ATE1: variants seen among roughly 807,000 people sequenced by gnomAD.
ATE1 encodes arginyltransferase 1, also known as arginyl-tRNA--protein transferase 1.
In ATE1, 36 loss-of-function variants were observed where a neutral mutation model predicts 70.5. The ratio of observed to expected loss-of-function variants is 0.51; its 90% CI spans 0.39 to 0.67. ATE1 has a LOEUF of 0.67. ATE1 is among the 30% of genes least tolerant of loss of function. The probability of loss-of-function intolerance (pLI) is 0.00; values close to 1 mark genes in which losing one functional copy is unlikely to be tolerated. For missense variants in ATE1, 593 were observed against 629.5 expected (o/e 0.94, Z 0.62); for synonymous variants, 232 against 219.3 (o/e 1.06, Z -0.51).
chr10:121,760,605 T>C (rs908829101), intron 11 of ATE1, among the ~76,000 whole-genome samples: 1 of 152,222 alleles, frequency 6.6e-6, no homozygotes, highest in Non-Finnish European at 1.5e-5. Flanking sequence ...TTGTTTCTTA[T>C]GGAAGAGCAA....
intron 8 of ATE1, among the ~76,000 whole-genome samples, chr10:121,849,250 C>T (rs2133858144): frequency 6.6e-6 from 1 of 152,010 alleles, no homozygotes; most frequent in Non-Finnish European, 1.5e-5. Flanking sequence ...TCTCAATAAG[C>T]ACATTATTAA....
intron 5 of ATE1, among the ~76,000 whole-genome samples, chr10:121,904,412 C>A (rs1951107198): frequency 6.6e-6 from 1 of 151,352 alleles, no homozygotes; most frequent in South Asian, 2.1e-4. Flanking sequence ...GAGGCCGAGG[C>A]AGGCAGATCA....
chr10:121,790,095 G>A (rs1043031423), intron 11 of ATE1, 74 bp downstream of exon 11: 33 of 1,591,188 alleles, frequency 2.1e-5, no homozygotes, highest in African/African-American at 5.4e-5. Flanking sequence ...ACCCTGTTAA[G>A]AGCCACAGCC....
In ATE1 at chr10:121,741,532, G is replaced by C. The variant is rs935803259; in HGVS notation, c.*2148C>G. The stretch of plus-strand genomic sequence containing the variant: ...AGTTGTGGTAAGATGTTGGAGTCAA[G>C]TTTTCTCTTCATCTGATATTCAAGG... On this transcript the variant is annotated 3_prime_UTR_variant, in exon 12 of 12. Transcript: ENST00000224652. 2 of 152,166 alleles carry C rather than the reference G, an allele frequency of 1.3e-5. No homozygotes were observed. The highest frequency in any genetic ancestry group is 2.9e-5 in the Non-Finnish European group (2 of 68,030). 9.4% of individuals were successfully genotyped at this position (152,166 alleles called of 1,614,324 possible). A position where few individuals can be genotyped will look rare whatever the true frequency, so the allele number is the denominator to read the frequency against.
intron 6 of ATE1, among the ~76,000 whole-genome samples, chr10:121,900,919 T>C (rs1327630985): frequency 6.6e-6 from 1 of 152,176 alleles, no homozygotes; most frequent in East Asian, 1.9e-4. Flanking sequence ...CTGTTTACAA[T>C]TTTGGAAGGA....
chr10:121,869,982 T>C (rs376762599), intron 8 of ATE1, 24 bp downstream of exon 8: 12 of 1,584,642 alleles, frequency 7.6e-6, no homozygotes, highest in African/African-American at 1.3e-5. Flanking sequence ...AATTCTAATA[T>C]TAAGGTCAGT....
intron 10 of ATE1, among the ~76,000 whole-genome samples, chr10:121,819,465 G>C (rs1418160834): frequency 6.6e-6 from 1 of 152,090 alleles, no homozygotes; most frequent in Non-Finnish European, 1.5e-5. Flanking sequence ...AGCACTTTGG[G>C]AGGCCGAGGC....
chr10:121,927,810 C>A (rs755904710), intron 1 of ATE1, 34 bp downstream of exon 1: 4 of 1,533,620 alleles, frequency 2.6e-6, no homozygotes, highest in Middle Eastern at 2.3e-4. Flanking sequence ...CCCGGGCGCC[C>A]GGCTTCCCAC....
intron 10 of ATE1, among the ~76,000 whole-genome samples, chr10:121,828,201 A>G (rs972187069): frequency 6.6e-6 from 1 of 152,252 alleles, no homozygotes; most frequent in Non-Finnish European, 1.5e-5. Flanking sequence ...ACACCATCAG[A>G]AACGTCTCAA....
At chr10:121,850,020 C>T (rs1192803508) in intron 8 of ATE1, among the ~76,000 whole-genome samples, 2 of 152,022 alleles carry the variant, frequency 1.3e-5, no homozygotes, top group Non-Finnish European at 2.9e-5. Context: ...GAGTGGTTTG[C>T]CCTTACTGAA....
intron 11 of ATE1, among the ~76,000 whole-genome samples, chr10:121,758,845 GGTTTGGGGTATCACAAACTGT>G (rs1488218757): frequency 6.6e-6 from 1 of 152,052 alleles, no homozygotes; most frequent in Non-Finnish European, 1.5e-5. Context: ...TACTGTAATT[GGTTTGGGGTATCACAAACTGT>G]GCCCATGTAA....
intron 4 of ATE1, among the ~76,000 whole-genome samples, chr10:121,912,051 C>A (rs1381622276): frequency 1.3e-5 from 2 of 151,522 alleles, no homozygotes; most frequent in Non-Finnish European, 2.9e-5. Flanking sequence ...CGGCCAAGCC[C>A]GGCTAATTTT....
chr10:121,926,279 C>T (rs1048525921), intron 1 of ATE1, among the ~76,000 whole-genome samples: 3 of 152,106 alleles, frequency 2.0e-5, no homozygotes, highest in Non-Finnish European at 4.4e-5. Context: ...ATATGACAGG[C>T]TTGATAGAGC....
intron 8 of ATE1, among the ~76,000 whole-genome samples, chr10:121,859,411 T>C (rs1263801468): frequency 2.0e-5 from 3 of 151,350 alleles, no homozygotes; most frequent in South Asian, 2.1e-4. Context: ...CGCCCACCAC[T>C]ACGCCCGGCT....
At chr10:121,760,550 C>T (rs1028863274) in intron 11 of ATE1, among the ~76,000 whole-genome samples, 6 of 152,212 alleles carry the variant, frequency 3.9e-5, no homozygotes, top group African/African-American at 1.4e-4. Context: ...CTGAAGATGT[C>T]ACAAAATGCT....
chr10:121,882,658 C>A (rs1950263825), intron 7 of ATE1, among the ~76,000 whole-genome samples: 1 of 152,158 alleles, frequency 6.6e-6, no homozygotes, highest in Admixed American at 6.5e-5. Flanking sequence ...AATATCCTGA[C>A]CCAAAATGTA....
chr10:121,778,174 AC>A lies in ATE1; in HGVS notation c.1378+11994del, dbSNP rs781556297. Among the ~76,000 whole-genome samples, 5 of 152,328 alleles carry A rather than the reference AC, an allele frequency of 3.3e-5. No individual in the cohort carries two copies. The East Asian group carries it at 9.7e-4, about 29-fold the overall frequency. ...TTTAACAGCTAATAACTGCACACCCACAAATTGGGAAACCTAACACACAGCT... is the reference window on the plus strand; with the variant it reads ...TTTAACAGCTAATAACTGCACACCCAAAATTGGGAAACCTAACACACAGCT... On this transcript the variant is annotated intron_variant, in intron 11 of 11. Coordinates refer to ENST00000224652, the MANE Select transcript of ATE1 (RefSeq NM_001001976.3).
intron 4 of ATE1, 79 bp from the exon 5 acceptor site, chr10:121,911,230 T>C: frequency 1.3e-6 from 2 of 1,500,012 alleles, no homozygotes; most frequent in Non-Finnish European, 1.8e-6. Flanking sequence ...ACAATGTTCC[T>C]ATTATCCATT....
chr10:121,745,769 A>G (rs1010291048), intron 11 of ATE1, among the ~76,000 whole-genome samples: 4 of 152,100 alleles, frequency 2.6e-5, no homozygotes, highest in Non-Finnish European at 2.9e-5. Context: ...AGAAACACCC[A>G]TACAAGTGTT....
Sources: gnomAD v4.1 joint callset for allele counts (sites outside exome capture counted in the v4.1 genomes callset) on GRCh38, gnomAD v4.1.1 for gene constraint, MANE v1.5 for transcripts, NCBI Gene and HGNC (gene_info 2026-07-23, HGNC 2026-07-21) for gene names.